The following MIA3 variants were observed in gnomAD, a reference collection of about 807,000 sequenced individuals.
MIA3 encodes MIA SH3 domain ER export factor 3.
In MIA3, 90 loss-of-function variants were observed where a neutral mutation model predicts 192.4. That is an observed-to-expected ratio of 0.47 (90% CI 0.39 to 0.56). MIA3 has a LOEUF of 0.56. MIA3 is among the 20% of genes least tolerant of loss of function. The pLI, the probability that MIA3 is intolerant of heterozygous loss-of-function variation, is 0.00. For missense variants in MIA3, 2,123 were observed against 2,269.4 expected (o/e 0.94, Z 1.31); for synonymous variants, 740 against 792.8 (o/e 0.93, Z 1.12).
At chr1:222,644,539 G>A (rs1228227432) in intron 6 of MIA3, 3 of 1,550,514 alleles carry the variant, frequency 1.9e-6, no homozygotes, top group African/African-American at 1.4e-5. Flanking sequence ...GGAACTTGTG[G>A]GACCCTTGTC....
intron 25 of MIA3, 26 bp from the exon 26 acceptor site, chr1:222,662,227 T>C: frequency 6.2e-7 from 1 of 1,607,422 alleles, no homozygotes; most frequent in Admixed American, 1.7e-5. Context: ...AGAATAAGTC[T>C]ACATCAGTTC....
intron 3 of MIA3, among the ~76,000 whole-genome samples, chr1:222,626,837 A>G (rs942950178): frequency 1.3e-5 from 2 of 152,214 alleles, no homozygotes; most frequent in African/African-American, 4.8e-5. Flanking sequence ...CCCCAAATCC[A>G]TGTAGACTGA....
chr1:222,641,687 C>T, intron 6 of MIA3: 1 of 547,926 alleles, frequency 1.8e-6, no homozygotes, highest in South Asian at 1.4e-5. Context: ...AGGAGTAATT[C>T]TCTTCCCTCA....
chr1:222,628,236 T>C lies in MIA3; in HGVS notation c.1016T>C (p.Met339Thr), dbSNP rs772711545. 8.1e-6 allele frequency: 13 copies of C among 1,614,104 alleles called. No individual in the cohort carries two copies. Among genetic ancestry groups the C allele is most frequent in the Non-Finnish European group, 1.1e-5 (13 of 1,180,020 alleles). The stretch of plus-strand genomic sequence containing the variant: ...CTTACCTTTACAGATGGGGAAGATA[T>C]GAAAACTCCAGCAAAGTCTGGCGTT... ...PLLTFTDGED[M>T]KTPAKSGVEK... The change falls in exon 4 of 28, where the codon ATG becomes ACG. Residue 339 changes from methionine to threonine, a missense_variant. By Grantham distance (81) the Met-to-Thr change is moderately conservative (BLOSUM62 -1). Transcript: ENST00000344922.
intron 6 of MIA3, 114 bp from the exon 7 acceptor site, chr1:222,645,440 G>A: frequency 1.7e-5 from 15 of 866,738 alleles, no homozygotes; most frequent in Non-Finnish European, 2.4e-5. Context: ...TTTTTGAGGG[G>A]ATAGGTATCT....
chr1:222,650,746 A>G (rs756838577), intron 10 of MIA3, 35 bp downstream of exon 10: 63 of 1,563,794 alleles, frequency 4.0e-5, no homozygotes, highest in Admixed American at 9.0e-5. Flanking sequence ...ATTTTAAAAC[A>G]AAAGTAAAAG....
intron 6 of MIA3, chr1:222,644,201 C>G: frequency 2.0e-6 from 2 of 983,464 alleles, no homozygotes; most frequent in Non-Finnish European, 2.7e-6. Flanking sequence ...CCTATTCGCT[C>G]TTCTCTCCCG....
rs1662297867 is a variant in MIA3, at chr1:222,629,633, G to A, written c.2413G>A (p.Glu805Lys). 6.2e-7 allele frequency: 1 copy of A among 1,614,156 alleles called. No individual in the cohort carries two copies. The highest frequency in any genetic ancestry group is 8.5e-7 in the Non-Finnish European group (1 of 1,180,030). ...CAAAGGGGTCAACACAGGAGGCAGG[G>A]AACCAAATACAATGGTGGAAAAAGA... Reference protein sequence around the residue: ...AAKGVNTGGREPNTMVEKERP... With the variant: ...AAKGVNTGGRKPNTMVEKERP... The change falls in exon 4 of 28, where the codon GAA becomes AAA. Residue 805 changes from glutamate (E) to lysine (K), a missense_variant. Coordinates refer to ENST00000344922, the MANE Select transcript of MIA3 (RefSeq NM_198551.4).
chr1:222,626,718 C>T (rs1006579985), intron 3 of MIA3, among the ~76,000 whole-genome samples: 1 of 152,152 alleles, frequency 6.6e-6, no homozygotes, highest in Non-Finnish European at 1.5e-5. Flanking sequence ...AAATGGGGAG[C>T]CTCCTTTACA....
chr1:222,627,681 C>T lies in MIA3; in HGVS notation c.461C>T (p.Ser154Phe). ...LELYNSAATD[S>F]EKAVEKTLQD... ...CTGTACAATTCTGCAGCTACAGATT[C>T]TGAGAAAGCTGTAGAAAAAACTTTA... Residue 154 changes from serine to phenylalanine, a missense_variant, in exon 4 of 28, where the codon TCT (serine) becomes TTT (phenylalanine). Coordinates refer to ENST00000344922, the MANE Select transcript of MIA3 (RefSeq NM_198551.4). The T allele has an allele frequency of 6.2e-7, 1 of 1,613,286 alleles. No homozygotes were observed. The highest frequency in any genetic ancestry group is 8.5e-7 in the Non-Finnish European group (1 of 1,179,716).
intron 6 of MIA3, chr1:222,644,159 G>A: frequency 1.9e-6 from 1 of 527,350 alleles, no homozygotes; most frequent in African/African-American, 2.0e-5. Context: ...AGTCACTTCC[G>A]CCTCTTTTTA....
At chr1:222,647,367 T>G (rs190349956) in intron 7 of MIA3, among the ~76,000 whole-genome samples, 1 of 152,196 alleles carries the variant, frequency 6.6e-6, no homozygotes, top group Non-Finnish European at 1.5e-5. Flanking sequence ...AAGCTTTGTA[T>G]TGAAACTTCA....
At chr1:222,636,101 G>C (rs1048282832) in intron 6 of MIA3, among the ~76,000 whole-genome samples, 1 of 152,182 alleles carries the variant, frequency 6.6e-6, no homozygotes, top group Non-Finnish European at 1.5e-5. Context: ...AAAAGTGACT[G>C]TACCATTTTA....
intron 15 of MIA3, among the ~76,000 whole-genome samples, chr1:222,653,628 A>G (rs574159542): frequency 6.6e-6 from 1 of 152,334 alleles, no homozygotes; most frequent in Non-Finnish European, 1.5e-5. Flanking sequence ...AGTAGTAGAA[A>G]CTTGTTTTTC....
In MIA3 at chr1:222,628,597, C is replaced by A. The variant is rs150776844; in HGVS notation, c.1377C>A (p.Asn459Lys). ...IPKTNNDKEVNAEHHIKGKGR... is the reference protein window; with the variant it reads ...IPKTNNDKEVKAEHHIKGKGR... ...AAACAAATAATGACAAAGAAGTAAACGCAGAACATCACATTAAAGGAAAAG... is the reference window on the plus strand; with the variant it reads ...AAACAAATAATGACAAAGAAGTAAAAGCAGAACATCACATTAAAGGAAAAG... Residue 459 changes from asparagine (N) to lysine (K), a missense_variant, in exon 4 of 28, where the codon AAC becomes AAA. Asn to Lys is a moderately conservative substitution (Grantham distance 94). Coordinates refer to ENST00000344922, the MANE Select transcript of MIA3 (RefSeq NM_198551.4). The A allele has an allele frequency of 6.2e-7, 1 of 1,613,870 alleles. No homozygotes were observed. Among genetic ancestry groups the A allele is most frequent in the Non-Finnish European group, 8.5e-7 (1 of 1,179,956 alleles).
chr1:222,630,144 T>C lies in MIA3; in HGVS notation c.2924T>C (p.Leu975Pro). Residue 975 changes from leucine to proline, a missense_variant, in exon 4 of 28, where the codon CTA (leucine) becomes CCA (proline). Coordinates refer to ENST00000344922, the MANE Select transcript of MIA3 (RefSeq NM_198551.4). The stretch of plus-strand genomic sequence containing the variant: ...CTGCCCTATAATATGGAAAAAGTCC[T>C]AGATAAGGTCTTCCGTGCTTCTGAG... ...ESLPYNMEKV[L>P]DKVFRASESQ... is the part of the protein sequence containing the mutation. 2 of 1,614,230 alleles carry C rather than the reference T, an allele frequency of 1.2e-6. No homozygotes were observed. The highest frequency in any genetic ancestry group is 1.7e-6 in the Non-Finnish European group (2 of 1,180,040).
chr1:222,653,069 C>T lies in MIA3; in HGVS notation c.4148C>T (p.Ser1383Leu). The change falls in exon 14 of 28, where the codon TCA becomes TTA. Residue 1383 changes from serine (S) to leucine (L), a missense_variant. Ser to Leu is a moderately radical substitution (Grantham distance 145, BLOSUM62 -2). Around this residue, in one of 3 missense-constraint regions of MIA3, gnomAD observed 762 missense variants for 856.4 expected, o/e 0.89. Coordinates refer to ENST00000344922, the MANE Select transcript of MIA3 (RefSeq NM_198551.4). ...LHAELSEQIK[S>L]FEKSQKDLEV... ...GCTGAGCTCAGTGAGCAAATCAAAT[C>T]ATTTGAGAAGTCTCAGAAAGATTTG... The T allele has an allele frequency of 1.9e-6, 3 of 1,612,930 alleles. No homozygotes were observed. Among genetic ancestry groups the T allele is most frequent in the Non-Finnish European group, 2.5e-6 (3 of 1,178,952 alleles).
At chr1:222,659,693 A>ATAGTCTCC in intron 21 of MIA3, 36 bp downstream of exon 21, 2 of 1,613,808 alleles carry the variant, frequency 1.2e-6, no homozygotes, top group African/African-American at 2.7e-5. Flanking sequence ...TATTTTGTGC[A>ATAGTCTCC]TAGTCTCCCA....
intron 6 of MIA3, 147 bp from the exon 7 acceptor site, chr1:222,645,407 A>G (rs1663091802): frequency 1.6e-6 from 1 of 635,922 alleles, no homozygotes; most frequent in Non-Finnish European, 2.7e-6. Context: ...TGTTTTTCTT[A>G]AAGCAGTGAG....
Sources: allele counts gnomAD v4.1 joint callset (sites outside exome capture counted in the v4.1 genomes callset), GRCh38; gene constraint gnomAD v4.1.1; regional missense constraint gnomAD v4.1.1; transcripts MANE v1.5; gene names NCBI Gene and HGNC (gene_info 2026-07-23, HGNC 2026-07-21).